ZFHX3: variants seen among roughly 807,000 people sequenced by gnomAD.
ZFHX3 encodes zinc finger homeobox protein 3.
A neutral mutation model predicts 279.1 loss-of-function variants in ZFHX3; 42 were observed. That is an observed-to-expected ratio of 0.15 (90% CI 0.12 to 0.19). The LOEUF (loss-of-function observed/expected upper bound fraction) is 0.19. Ranked by LOEUF, ZFHX3 falls within the 10% of genes least tolerant of loss-of-function variation. ZFHX3 has a pLI of 1.00. For missense variants in ZFHX3, 4,981 were observed against 4,754.0 expected, an observed-to-expected ratio of 1.05 and a Z score of -1.40; for synonymous variants, 2,293 against 1,957.8, an observed-to-expected ratio of 1.17 and a Z score of -4.52.
intron 1 of ZFHX3, among the ~76,000 whole-genome samples, chr16:73,686,539 A>T (rs545055225): frequency 6.6e-6 from 1 of 152,330 alleles, no homozygotes; most frequent in East Asian, 1.9e-4. Context: ...TGTTCTCTGA[A>T]TGTTAAGGAA....
chr16:73,886,571 T>C (rs1242346180), intron 1 of ZFHX3, among the ~76,000 whole-genome samples: 1 of 152,226 alleles, frequency 6.6e-6, no homozygotes, highest in East Asian at 1.9e-4. Flanking sequence ...TTAGGAATTA[T>C]TCTAGATCTT....
chr16:73,045,684 T>TTATTAC (rs1965269944), intron 1 of ZFHX3, among the ~76,000 whole-genome samples: 1 of 141,790 alleles, frequency 7.1e-6, no homozygotes, highest in African/African-American at 2.6e-5. Flanking sequence ...ATTATTATTA[T>TTATTAC]TGAATAGTTA....
chr16:73,417,695 G>T (rs2113225), intron 3 of ZFHX3, among the ~76,000 whole-genome samples: 1 of 151,510 alleles, frequency 6.6e-6, no homozygotes, highest in South Asian at 2.1e-4. Flanking sequence ...GGCTGGGTGC[G>T]GTGGCTCACG....
At chr16:72,866,215 T>C (rs116271262) in intron 4 of ZFHX3, among the ~76,000 whole-genome samples, 1 of 152,180 alleles carries the variant, frequency 6.6e-6, no homozygotes, top group African/African-American at 2.4e-5. Flanking sequence ...GTGAGAGCAG[T>C]AGCCAGAGAG....
chr16:73,676,522 C>A (rs1398156620), intron 2 of ZFHX3, among the ~76,000 whole-genome samples: 1 of 151,738 alleles, frequency 6.6e-6, no homozygotes, highest in Non-Finnish European at 1.5e-5. Flanking sequence ...TAACAAAGAA[C>A]CATACAGTCT....
intron 2 of ZFHX3, among the ~76,000 whole-genome samples, chr16:73,641,481 T>C (rs909870503): frequency 6.6e-6 from 1 of 152,110 alleles, no homozygotes; most frequent in African/African-American, 2.4e-5. Flanking sequence ...TTGGAGCATA[T>C]GGGTAAAATC....
intron 3 of ZFHX3, among the ~76,000 whole-genome samples, chr16:73,427,122 A>G (rs1292145785): frequency 6.6e-6 from 1 of 152,196 alleles, no homozygotes; most frequent in East Asian, 1.9e-4. Flanking sequence ...GGAGAAGAAG[A>G]ACAAGCCAAA....
chr16:73,739,464 T>G (rs2053635156), intron 1 of ZFHX3, among the ~76,000 whole-genome samples: 1 of 152,160 alleles, frequency 6.6e-6, no homozygotes, highest in Non-Finnish European at 1.5e-5. Flanking sequence ...CAGTCAAAAA[T>G]GTCCCCAGAT....
At chr16:73,778,264 C>CAAAAAAAAA (rs1184188798) in intron 1 of ZFHX3, among the ~76,000 whole-genome samples, 11 of 60,504 alleles carry the variant, frequency 1.8e-4, no homozygotes, top group African/African-American at 6.3e-4. Context: ...AAAAAAAAAG[C>CAAAAAAAAA]ATTGGACTTC....
intron 8 of ZFHX3, among the ~76,000 whole-genome samples, chr16:73,076,095 C>A (rs1965884649): frequency 6.6e-6 from 1 of 152,170 alleles, no homozygotes; most frequent in Non-Finnish European, 1.5e-5. Context: ...GTGCACACCC[C>A]ACAGGGTTGT....
intron 2 of ZFHX3, among the ~76,000 whole-genome samples, chr16:73,654,439 A>C (rs2052702321): frequency 6.6e-6 from 1 of 152,136 alleles, no homozygotes. Flanking sequence ...ATAGAAAAAC[A>C]AAGGAGCTCT....
chr16:73,598,623 T>C (rs1248238225), intron 2 of ZFHX3, among the ~76,000 whole-genome samples: 1 of 152,110 alleles, frequency 6.6e-6, no homozygotes, highest in African/African-American at 2.4e-5. Context: ...TCTCTCTGTG[T>C]TGCCCAGGCT....
intron 3 of ZFHX3, among the ~76,000 whole-genome samples, chr16:72,894,064 G>A (rs957753121): frequency 6.6e-6 from 1 of 151,308 alleles, no homozygotes; most frequent in East Asian, 2.0e-4. Context: ...CAGGAAAATC[G>A]CTTGAACCTG....
At chr16:73,291,198 A>G (rs1013274549) in intron 4 of ZFHX3, among the ~76,000 whole-genome samples, 1 of 152,122 alleles carries the variant, frequency 6.6e-6, no homozygotes, top group African/African-American at 2.4e-5. Context: ...AGGCTTCCTG[A>G]CAATCAAACC....
intron 2 of ZFHX3, among the ~76,000 whole-genome samples, chr16:73,614,890 G>T (rs550170527): frequency 3.3e-5 from 5 of 152,134 alleles, no homozygotes; most frequent in African/African-American, 1.2e-4. Flanking sequence ...CTCCTGAGTA[G>T]CTGGGACCAT....
intron 2 of ZFHX3, among the ~76,000 whole-genome samples, chr16:73,571,058 A>G (rs2051729650): frequency 7.0e-6 from 1 of 143,308 alleles, no homozygotes; most frequent in East Asian, 2.0e-4. Context: ...GTTAAATTAT[A>G]AAGAATAATT....
chr16:73,370,255 C>T (rs73590931), intron 3 of ZFHX3, among the ~76,000 whole-genome samples: 2,275 of 152,364 alleles, frequency 0.015, 68 homozygotes, highest in African/African-American at 0.051. Context: ...GCATTTTCAC[C>T]TGGGTGTCAG....
intron 1 of ZFHX3, among the ~76,000 whole-genome samples, chr16:73,762,283 A>G (rs147744096): frequency 0.056 from 8,486 of 152,286 alleles, 350 homozygotes; most frequent in African/African-American, 0.11. Context: ...CCGCAATGAG[A>G]TACCATCTCA....
At chr16:73,822,474 G>C (rs1037351881) in intron 1 of ZFHX3, among the ~76,000 whole-genome samples, 10 of 151,494 alleles carry the variant, frequency 6.6e-5, no homozygotes, top group Non-Finnish European at 2.9e-5. Flanking sequence ...TTTCCACTTG[G>C]TGGCTTTTCT....
Sources: allele counts gnomAD v4.1 joint callset (sites outside exome capture counted in the v4.1 genomes callset), GRCh38; gene constraint gnomAD v4.1.1; transcripts MANE v1.5; gene names NCBI Gene and HGNC (gene_info 2026-07-23, HGNC 2026-07-21).